The following MYO3B variants were observed in gnomAD, a reference collection of about 807,000 sequenced individuals.
The protein encoded by MYO3B is myosin-IIIb.
A neutral mutation model predicts 174.6 loss-of-function variants in MYO3B; 156 were observed. The observed-to-expected ratio is 0.89, with a 90% CI of 0.78 to 1.02. The LOEUF is 1.02. Ranked by LOEUF, MYO3B falls within the 50% of genes least tolerant of loss-of-function variation. The probability of loss-of-function intolerance (pLI) is 0.00; values close to 1 mark genes in which losing one functional copy is unlikely to be tolerated. For missense variants in MYO3B, 1,632 were observed against 1,639.4 expected (o/e 1.00, Z 0.08); for synonymous variants, 563 against 569.1 (o/e 0.99, Z 0.15).
intron 7 of MYO3B, among the ~76,000 whole-genome samples, chr2:170,275,579 C>T (rs1485340456): frequency 6.6e-6 from 1 of 152,082 alleles, no homozygotes; most frequent in African/African-American, 2.4e-5. Flanking sequence ...TGAGTACTAG[C>T]TTACTTTAAA....
intron 22 of MYO3B, among the ~76,000 whole-genome samples, chr2:170,410,861 AAGAT>A (rs1435108555): frequency 6.6e-6 from 1 of 151,936 alleles, no homozygotes; most frequent in Non-Finnish European, 1.5e-5. Context: ...TTTTCTCCAA[AAGAT>A]AGAGAAGACC....
At chr2:170,278,479 C>A (rs944246014) in intron 7 of MYO3B, among the ~76,000 whole-genome samples, 3 of 152,058 alleles carry the variant, frequency 2.0e-5, no homozygotes, top group African/African-American at 7.2e-5. Context: ...TAAATTTTTT[C>A]TTTTTACTGA....
chr2:170,178,519 T>C (rs553438337), intron 1 of MYO3B, among the ~76,000 whole-genome samples: 19 of 147,582 alleles, frequency 1.3e-4, no homozygotes, highest in African/African-American at 4.3e-4. Flanking sequence ...AAACACCCTC[T>C]TGAGTATTGC....
At chr2:170,503,116 A>G (rs1430333347) in intron 28 of MYO3B, among the ~76,000 whole-genome samples, 5 of 152,184 alleles carry the variant, frequency 3.3e-5, no homozygotes, top group African/African-American at 1.2e-4. Context: ...AAAACAGGGT[A>G]CCAAACTGAT....
At chr2:170,534,719 C>T (rs775958345) in intron 30 of MYO3B, among the ~76,000 whole-genome samples, 1 of 152,208 alleles carries the variant, frequency 6.6e-6, no homozygotes, top group Non-Finnish European at 1.5e-5. Context: ...GGAGTACAGG[C>T]ATGAGCCACC....
intron 32 of MYO3B, among the ~76,000 whole-genome samples, chr2:170,605,838 G>A (rs535406561): frequency 6.6e-6 from 1 of 152,006 alleles, no homozygotes; most frequent in Non-Finnish European, 1.5e-5. Flanking sequence ...CTAGCCTGGG[G>A]GAGAGAGTGA....
At chr2:170,626,036 T>A (rs1207152898) in intron 32 of MYO3B, among the ~76,000 whole-genome samples, 1 of 152,220 alleles carries the variant, frequency 6.6e-6, no homozygotes, top group Non-Finnish European at 1.5e-5. Flanking sequence ...TTCTGTTGAT[T>A]TGGGGTGGAA....
At chr2:170,503,051 G>A (rs1283669633) in intron 28 of MYO3B, among the ~76,000 whole-genome samples, 3 of 152,216 alleles carry the variant, frequency 2.0e-5, no homozygotes, top group Admixed American at 6.5e-5. Context: ...AGAACTCAAA[G>A]TGCATCATTT....
intron 30 of MYO3B, chr2:170,519,833 C>T (rs184853768): frequency 2.5e-5 from 7 of 277,948 alleles, no homozygotes; most frequent in African/African-American, 1.3e-4. Context: ...ATGAGCTGGC[C>T]ATGGTGGCAT....
chr2:170,422,599 C>T (rs1263314334), intron 22 of MYO3B, among the ~76,000 whole-genome samples: 1 of 151,906 alleles, frequency 6.6e-6, no homozygotes, highest in African/African-American at 2.4e-5. Flanking sequence ...GCCAGGATTA[C>T]AGGCTTGCAC....
chr2:170,570,636 T>C lies in MYO3B; in HGVS notation c.3733+26648T>C, dbSNP rs117177155. Among the ~76,000 whole-genome samples the C allele has an allele frequency of 1.4e-3, 207 of 152,344 alleles. 4 individuals are homozygous for C. In the East Asian group the frequency reaches 0.036, roughly 26 times the overall value. On this transcript the variant is annotated intron_variant, in intron 32 of 34. Coordinates refer to ENST00000408978, the MANE Select transcript of MYO3B (RefSeq NM_138995.5). ...TGTTGTAAGACACGTAACTGTGCTT[T>C]TTGGCGGTTTTCCTTGATCATTATT...
chr2:170,260,781 T>C (rs79511215), intron 7 of MYO3B, among the ~76,000 whole-genome samples: 2,493 of 152,214 alleles, frequency 0.016, 79 homozygotes, highest in African/African-American at 0.057. Flanking sequence ...AAAAACCAAA[T>C]TGGAATGGGA....
intron 28 of MYO3B, among the ~76,000 whole-genome samples, chr2:170,514,123 T>C (rs1037134379): frequency 7.9e-5 from 12 of 152,214 alleles, no homozygotes; most frequent in Non-Finnish European, 1.5e-4. Context: ...GCAGTCCTGC[T>C]GCCAGTGTAG....
At chr2:170,300,775 A>G (rs572496580) in intron 7 of MYO3B, among the ~76,000 whole-genome samples, 2 of 152,294 alleles carry the variant, frequency 1.3e-5, no homozygotes, top group Admixed American at 6.5e-5. Context: ...GTATTTTTCT[A>G]CTTTTTGAAA....
Position 170,404,364 on chromosome 2 carries a change from A to G in MYO3B, c.2395A>G (p.Ser799Gly). The change falls in exon 20 of 35, where the codon AGT becomes GGT. Residue 799 changes from serine to glycine, a missense_variant. Coordinates refer to ENST00000408978, the MANE Select transcript of MYO3B (RefSeq NM_138995.5). The stretch of plus-strand genomic sequence containing the variant: ...ACTGCTTGCACTTTTGGATGAGGAA[A>G]GTCGGTTTCCCCAAGCAACTGACCA... ...LGLLALLDEE[S>G]RFPQATDQTL... The G allele has an allele frequency of 6.2e-7, 1 of 1,613,742 alleles. No individual in the cohort carries two copies. The highest frequency in any genetic ancestry group is 8.5e-7 in the Non-Finnish European group (1 of 1,179,860).
intron 9 of MYO3B, among the ~76,000 whole-genome samples, chr2:170,377,598 C>T (rs1479926227): frequency 6.6e-6 from 1 of 152,166 alleles, no homozygotes; most frequent in African/African-American, 2.4e-5. Context: ...TCCACAGTCT[C>T]CCGCTCCACT....
At position 170,401,606 on chromosome 2, in the gene MYO3B, G is replaced by A. The variant is rs760427310; in HGVS notation, c.2044G>A (p.Ala682Thr). 36 of 1,613,960 alleles carry A rather than the reference G, an allele frequency of 2.2e-5. No homozygotes were observed. In the Admixed American group the frequency reaches 5.8e-4, roughly 26 times the overall value. The part of the protein sequence containing the change: ...TVDRAADVRD[A>T]MSKALYGRLF... Reference sequence around the variant, plus strand: ...AGACAGGGCTGCGGACGTTCGAGACGCCATGTCCAAAGCCCTGTATGGGAG... The same window carrying A: ...AGACAGGGCTGCGGACGTTCGAGACACCATGTCCAAAGCCCTGTATGGGAG... The change falls in exon 18 of 35, where the codon GCC becomes ACC. Residue 682 changes from alanine to threonine, a missense_variant. Physicochemically the swap from Ala to Thr is moderately conservative, Grantham distance 58 (BLOSUM62 0). Coordinates refer to ENST00000408978, the MANE Select transcript of MYO3B (RefSeq NM_138995.5).
chr2:170,545,116 C>A (rs1690393984), intron 32 of MYO3B, among the ~76,000 whole-genome samples: 1 of 151,986 alleles, frequency 6.6e-6, no homozygotes, highest in African/African-American at 2.4e-5. Flanking sequence ...TTCTATTTGT[C>A]CTATCTAGTT....
chr2:170,356,592 C>A (rs538242137), intron 8 of MYO3B, among the ~76,000 whole-genome samples: 7 of 151,038 alleles, frequency 4.6e-5, no homozygotes, highest in African/African-American at 1.7e-4. Flanking sequence ...GAACTCCTGA[C>A]CTCAGGTGAT....
Sources: gnomAD v4.1 joint callset for allele counts (sites outside exome capture counted in the v4.1 genomes callset) on GRCh38, gnomAD v4.1.1 for gene constraint, MANE v1.5 for transcripts, NCBI Gene and HGNC (gene_info 2026-07-23, HGNC 2026-07-21) for gene names.